NCOR1: variants seen among roughly 807,000 people sequenced by gnomAD.
NCOR1 encodes the protein nuclear receptor corepressor 1.
Under a neutral mutation model 288.1 loss-of-function variants are expected in NCOR1, and 63 were observed. That is an observed-to-expected ratio of 0.22 (90% CI 0.18 to 0.27). The LOEUF is 0.27. Ranked by LOEUF, NCOR1 falls within the 10% of genes least tolerant of loss-of-function variation. The pLI, the probability that NCOR1 is intolerant of heterozygous loss-of-function variation, is 1.00. For synonymous variants in NCOR1, 1,007 were observed against 1,065.9 expected (o/e 0.94, Z 1.08); for missense variants, 2,397 against 3,019.2 (o/e 0.79, Z 4.83).
chr17:16,087,546 C>T (rs1380120989), intron 22 of NCOR1, among the ~76,000 whole-genome samples: 1 of 152,144 alleles, frequency 6.6e-6, no homozygotes, highest in Non-Finnish European at 1.5e-5. Flanking sequence ...AATTCATTTA[C>T]GAGTTTTCCC....
intron 2 of NCOR1, among the ~76,000 whole-genome samples, chr17:16,189,379 G>A (rs2153537700): frequency 6.6e-6 from 1 of 152,114 alleles, no homozygotes; most frequent in Admixed American, 6.5e-5. Flanking sequence ...GGGCAACAGA[G>A]TGAGACTCTG....
At chr17:16,175,765 T>C (rs1378888305) in intron 3 of NCOR1, among the ~76,000 whole-genome samples, 2 of 151,266 alleles carry the variant, frequency 1.3e-5, no homozygotes, top group East Asian at 3.9e-4. Flanking sequence ...GCGCCTGTAA[T>C]CTGAGCTACT....
intron 4 of NCOR1, among the ~76,000 whole-genome samples, chr17:16,166,148 C>T (rs377683986): frequency 6.6e-6 from 1 of 152,080 alleles, no homozygotes; most frequent in East Asian, 1.9e-4. Flanking sequence ...TCTAAGAGGC[C>T]TTCTGGGAAA....
chr17:16,127,313 GTA>G lies in NCOR1; in HGVS notation c.1510-1109_1510-1108del, dbSNP rs1175035917. ...TATATGTATGTATGTATATATACATGTATGTATATATGTATGTATATATACAT... is the reference window on the plus strand; with the variant it reads ...TATATGTATGTATGTATATATACATGTGTATATATGTATGTATATATACAT... On this transcript the variant is annotated intron_variant, in intron 14 of 45. Transcript: ENST00000268712. Among the ~76,000 whole-genome samples, 76 of 41,236 alleles carry G rather than the reference GTA, an allele frequency of 1.8e-3. 19 individuals are homozygous for G. Among genetic ancestry groups the G allele is most frequent in the South Asian group, 7.2e-3 (12 of 1,674 alleles). The allele number at this position is 41,236 out of a possible 152,430, so 27.1% of individuals were successfully genotyped here.
chr17:16,126,656 A>G (rs1450801687), intron 14 of NCOR1, among the ~76,000 whole-genome samples: 1 of 152,230 alleles, frequency 6.6e-6, no homozygotes, highest in Admixed American at 6.5e-5. Context: ...CTTTTGAGCG[A>G]AAGTCTACTT....
At chr17:16,047,691 AT>A (rs2058824531) in intron 41 of NCOR1, among the ~76,000 whole-genome samples, 1 of 95,116 alleles carries the variant, frequency 1.1e-5, no homozygotes. Flanking sequence ...ATACTAACAC[AT>A]TTAAAAAAAA....
chr17:16,146,633 CTTAAGG>C, intron 9 of NCOR1, 85 bp from the exon 10 acceptor site: 1 of 1,234,032 alleles, frequency 8.1e-7, no homozygotes, highest in Middle Eastern at 2.0e-4. Context: ...AATGCTACTT[CTTAAGG>C]TTAAGTCAGA....
chr17:16,196,240 G>A (rs2089764482), intron 1 of NCOR1, among the ~76,000 whole-genome samples: 1 of 151,400 alleles, frequency 6.6e-6, no homozygotes, highest in Non-Finnish European at 1.5e-5. Context: ...CAAGGGATTT[G>A]GGAAGAGGGC....
At chr17:16,065,366 T>G in intron 33 of NCOR1, 119 bp downstream of exon 33, 2 of 1,150,146 alleles carry the variant, frequency 1.7e-6, no homozygotes, top group Non-Finnish European at 2.5e-6. Context: ...GGAGGAAGGA[T>G]ATAGTATTCT....
rs567586978 is a variant in NCOR1, at chr17:16,041,569, C to T, written c.6680-1075G>A. ...GCTGGGATTATAGGCCCCCCGCCAC[C>T]ATGCCCAGCTAATTTTTGTATTTTT... On this transcript the variant is annotated intron_variant, in intron 42 of 45. Coordinates refer to ENST00000268712, the MANE Select transcript of NCOR1 (RefSeq NM_006311.4). Among the ~76,000 whole-genome samples the T allele has an allele frequency of 1.9e-4, 28 of 151,038 alleles. 1 individual carries two copies. In the East Asian group the frequency reaches 3.9e-3, roughly 21 times the overall value.
Position 16,179,791 on chromosome 17 carries a change from G to A in NCOR1, c.242+6763C>T, listed in dbSNP as rs139215552. ...AGCACTTTGGGAGGCCCAGGCGGGC[G>A]GATCACGAGGTCAGGAGATCGAGAC... On this transcript the variant is annotated intron_variant, in intron 3 of 45. Transcript: ENST00000268712. Among the ~76,000 whole-genome samples, 1,242 of 152,082 alleles carry A rather than the reference G, an allele frequency of 8.2e-3. 5 individuals carry two copies. Among genetic ancestry groups the A allele is most frequent in the Non-Finnish European group, 0.013 (863 of 67,954 alleles).
At chr17:16,210,968 T>C (rs2092071774) in intron 1 of NCOR1, among the ~76,000 whole-genome samples, 1 of 152,100 alleles carries the variant, frequency 6.6e-6, no homozygotes, top group Non-Finnish European at 1.5e-5. Flanking sequence ...CCTGACCTCA[T>C]GATCCGCCCA....
chr17:16,128,921 GC>G (rs769993303), intron 14 of NCOR1, among the ~76,000 whole-genome samples: 3 of 152,192 alleles, frequency 2.0e-5, no homozygotes, highest in South Asian at 4.2e-4. Context: ...CCAGAACATT[GC>G]TGAACTGTGA....
rs905160461 is a variant in NCOR1, at chr17:16,170,400, T to C, written c.435+1403A>G. 2.0e-5 allele frequency among the ~76,000 whole-genome samples: 3 copies of C among 152,156 alleles called. 1 individual carries two copies. The highest frequency in any genetic ancestry group is 1.3e-4 in the Admixed American group (2 of 15,270). On this transcript the variant is annotated intron_variant, in intron 4 of 45. Coordinates refer to ENST00000268712, the MANE Select transcript of NCOR1 (RefSeq NM_006311.4). ...ACACTGGGAAAAATATTAGCGTATG[T>C]TGGTAAAAAGGTTAACACTTTACTG...
intron 3 of NCOR1, among the ~76,000 whole-genome samples, chr17:16,180,307 C>T (rs1298626203): frequency 6.6e-6 from 1 of 152,112 alleles, no homozygotes; most frequent in Admixed American, 6.6e-5. Flanking sequence ...GAAAAGGGAA[C>T]CCTAGTATTT....
intron 9 of NCOR1, 26 bp from the exon 10 acceptor site, chr17:16,146,574 T>C: frequency 1.3e-6 from 2 of 1,549,610 alleles, no homozygotes; most frequent in Non-Finnish European, 1.7e-6. Context: ...AGCAAATTAA[T>C]AATAATTAAA....
intron 37 of NCOR1, among the ~76,000 whole-genome samples, chr17:16,061,007 A>C (rs1424460828): frequency 6.6e-6 from 1 of 152,208 alleles, no homozygotes; most frequent in South Asian, 2.1e-4. Flanking sequence ...CCTGTGTCTT[A>C]GAAAAAGGAT....
intron 3 of NCOR1, among the ~76,000 whole-genome samples, chr17:16,176,069 A>C (rs1253524271): frequency 6.6e-6 from 1 of 151,796 alleles, no homozygotes; most frequent in Non-Finnish European, 1.5e-5. Context: ...ATACAAAAAA[A>C]TTAGCCAGGT....
intron 23 of NCOR1, 47 bp from the exon 24 acceptor site, chr17:16,080,774 T>G: frequency 6.4e-7 from 1 of 1,557,262 alleles, no homozygotes; most frequent in Non-Finnish European, 8.7e-7. Flanking sequence ...AAACATTGTT[T>G]TTTTCACAAG....
Sources: allele counts gnomAD v4.1 joint callset (sites outside exome capture counted in the v4.1 genomes callset), GRCh38; gene constraint gnomAD v4.1.1; transcripts MANE v1.5; gene names NCBI Gene and HGNC (gene_info 2026-07-23, HGNC 2026-07-21).